HCN1: variants seen among roughly 807,000 people sequenced by gnomAD.
HCN1 encodes hyperpolarization activated cyclic nucleotide gated potassium channel 1.
HCN1 carries 13 observed loss-of-function variants against 78.9 expected under a neutral mutation model. That is an observed-to-expected ratio of 0.16 (90% CI 0.11 to 0.26). The LOEUF (loss-of-function observed/expected upper bound fraction) is 0.26. Ranked by LOEUF, HCN1 falls within the 10% of genes least tolerant of loss-of-function variation. The pLI is 1.00. For missense variants in HCN1, 810 were observed against 1,154.3 expected, an observed-to-expected ratio of 0.70 and a Z score of 4.32; for synonymous variants, 552 against 455.5, an observed-to-expected ratio of 1.21 and a Z score of -2.70.
At chr5:45,360,251 T>G (rs1018768341) in intron 4 of HCN1, among the ~76,000 whole-genome samples, 7 of 151,732 alleles carry the variant, frequency 4.6e-5, no homozygotes, top group African/African-American at 1.7e-4. Context: ...TTCCAGTGAC[T>G]ACATGTGTTT....
intron 1 of HCN1, among the ~76,000 whole-genome samples, chr5:45,674,111 A>G (rs1483764553): frequency 6.6e-6 from 1 of 151,374 alleles, no homozygotes; most frequent in Non-Finnish European, 1.5e-5. Context: ...TTAAAATGCT[A>G]GTTTTCATTG....
At chr5:45,314,218 TAAAG>T (rs1310044108) in intron 5 of HCN1, among the ~76,000 whole-genome samples, 1 of 152,078 alleles carries the variant, frequency 6.6e-6, no homozygotes, top group Non-Finnish European at 1.5e-5. Context: ...TCAACATTCT[TAAAG>T]AAAGAATTTT....
At chr5:45,443,080 G>A (rs1206246570) in intron 3 of HCN1, among the ~76,000 whole-genome samples, 4 of 151,978 alleles carry the variant, frequency 2.6e-5, no homozygotes, top group African/African-American at 9.7e-5. Flanking sequence ...TCGAAAGTTG[G>A]TGTAAGATTT....
intron 2 of HCN1, among the ~76,000 whole-genome samples, chr5:45,546,044 A>G (rs1743218097): frequency 6.6e-6 from 1 of 151,996 alleles, no homozygotes; most frequent in Non-Finnish European, 1.5e-5. Flanking sequence ...TGATTTGTAA[A>G]TCTGTATCTA....
At chr5:45,445,958 G>A (rs190072923) in intron 3 of HCN1, among the ~76,000 whole-genome samples, 163 of 152,258 alleles carry the variant, frequency 1.1e-3, no homozygotes, top group African/African-American at 3.6e-3. Flanking sequence ...CAGAAAAACT[G>A]GAAACTCTAA....
At chr5:45,633,565 C>T (rs574246461) in intron 2 of HCN1, among the ~76,000 whole-genome samples, 1 of 152,062 alleles carries the variant, frequency 6.6e-6, no homozygotes, top group African/African-American at 2.4e-5. Flanking sequence ...TTGTTATGAT[C>T]ATTTATTTCC....
chr5:45,503,419 A>G (rs1742230306), intron 2 of HCN1, among the ~76,000 whole-genome samples: 2 of 152,204 alleles, frequency 1.3e-5, no homozygotes, highest in South Asian at 4.1e-4. Context: ...AGAGACACAG[A>G]GAGACAGAGA....
At chr5:45,466,645 C>G (rs2111639071) in intron 2 of HCN1, among the ~76,000 whole-genome samples, 1 of 152,198 alleles carries the variant, frequency 6.6e-6, no homozygotes, top group South Asian at 2.1e-4. Context: ...AAAACAGCTA[C>G]TCAGATTCAG....
chr5:45,508,529 C>T (rs1055793199), intron 2 of HCN1, among the ~76,000 whole-genome samples: 2 of 152,030 alleles, frequency 1.3e-5, no homozygotes, highest in African/African-American at 4.8e-5. Context: ...AAACATTAGG[C>T]ACTGTCTTTT....
rs114488808 is a variant in HCN1 at position 45,298,751 on chromosome 5, C to T, written c.1618+4848G>A. Reference sequence around the variant, plus strand: ...TTTAAGGAAGTGGAACAATACTCCCCGCTCCTTACTTGTGGGCTGTGCATG... The same window carrying T: ...TTTAAGGAAGTGGAACAATACTCCCTGCTCCTTACTTGTGGGCTGTGCATG... On this transcript the variant is annotated intron_variant, in intron 6 of 7. Coordinates refer to ENST00000303230, the MANE Select transcript of HCN1 (RefSeq NM_021072.4). Among the ~76,000 whole-genome samples the T allele has an allele frequency of 4.2e-3, 640 of 152,018 alleles. 3 individuals are homozygous for T. The highest frequency in any genetic ancestry group is 0.017 in the Middle Eastern group (5 of 292).
rs541518310 is a variant in HCN1 at position 45,548,513 on chromosome 5, C to A, written c.850-86506G>T. 3.9e-5 allele frequency among the ~76,000 whole-genome samples: 6 copies of A among 152,074 alleles called. No individual in the cohort carries two copies. In the South Asian group the frequency reaches 1.2e-3, roughly 32 times the overall value. On this transcript the variant is annotated intron_variant, in intron 2 of 7. Coordinates refer to ENST00000303230, the MANE Select transcript of HCN1 (RefSeq NM_021072.4). ...CATATCTCGAAATAATAAGAGCTAT[C>A]TATGACAAACCCACAGCCAATATCA...
intron 5 of HCN1, among the ~76,000 whole-genome samples, chr5:45,345,191 A>G (rs974084466): frequency 6.6e-6 from 1 of 152,192 alleles, no homozygotes; most frequent in Non-Finnish European, 1.5e-5. Flanking sequence ...TCAATGGCTG[A>G]AACAACTGGG....
chr5:45,542,591 G>A (rs1743127522), intron 2 of HCN1, among the ~76,000 whole-genome samples: 1 of 152,140 alleles, frequency 6.6e-6, no homozygotes, highest in Admixed American at 6.6e-5. Context: ...ACAGCGAGCA[G>A]ACCAGCAAAA....
intron 3 of HCN1, among the ~76,000 whole-genome samples, chr5:45,436,449 G>T (rs1419150899): frequency 6.6e-6 from 1 of 152,038 alleles, no homozygotes; most frequent in Non-Finnish European, 1.5e-5. Context: ...TCAATCCACT[G>T]AATTTTAATA....
chr5:45,617,226 A>C (rs1561221692), intron 2 of HCN1: 1 of 152,124 alleles, frequency 6.6e-6, no homozygotes. Flanking sequence ...TGGACAAGTT[A>C]ATAATGTCTG....
chr5:45,560,530 A>G (rs1412427199), intron 2 of HCN1, among the ~76,000 whole-genome samples: 2 of 152,034 alleles, frequency 1.3e-5, no homozygotes, highest in Non-Finnish European at 2.9e-5. Context: ...AATTTAAAGG[A>G]GACCCTAAAT....
intron 2 of HCN1, among the ~76,000 whole-genome samples, chr5:45,565,158 A>G (rs1743681103): frequency 6.6e-6 from 1 of 151,038 alleles, no homozygotes; most frequent in African/African-American, 2.4e-5. Flanking sequence ...AACAGGGTAG[A>G]TATTTTTCCT....
chr5:45,488,446 A>AT (rs778226619), intron 2 of HCN1, among the ~76,000 whole-genome samples: 25 of 152,150 alleles, frequency 1.6e-4, no homozygotes, highest in Non-Finnish European at 3.2e-4. Context: ...TATCTCAATA[A>AT]TTTATATCAA....
chr5:45,382,816 G>A (rs12519431), intron 4 of HCN1, among the ~76,000 whole-genome samples: 8,371 of 152,100 alleles, frequency 0.055, 347 homozygotes, highest in East Asian at 0.13. Flanking sequence ...ATGAAATTAC[G>A]AAATGATGAA....
Sources: gnomAD v4.1 joint callset for allele counts (sites outside exome capture counted in the v4.1 genomes callset) on GRCh38, gnomAD v4.1.1 for gene constraint, MANE v1.5 for transcripts, NCBI Gene and HGNC (gene_info 2026-07-23, HGNC 2026-07-21) for gene names.